INCENP: variants seen among roughly 807,000 people sequenced by gnomAD.
INCENP encodes binds and activates aurora-B and -C in vivo and in vitro.
INCENP carries 43 observed loss-of-function variants against 107.3 expected under a neutral mutation model. The ratio of observed to expected loss-of-function variants is 0.40; its 90% CI spans 0.31 to 0.52. The LOEUF is 0.52. Among genes scored for constraint, INCENP ranks in the 20% least tolerant of loss-of-function variants. INCENP has a pLI of 0.53. For missense variants in INCENP, 1,089 were observed against 1,250.9 expected (o/e 0.87, Z 1.95); for synonymous variants, 488 against 494.4 (o/e 0.99, Z 0.17).
intron 17 of INCENP, among the ~76,000 whole-genome samples, 179 bp downstream of exon 17, chr11:62,149,025 T>C (rs1255619121): frequency 6.6e-6 from 1 of 152,148 alleles, no homozygotes. Context: ...TTTGTTGAGG[T>C]GGGGGATAAA....
At chr11:62,148,412 A>T in intron 15 of INCENP, 64 bp from the exon 16 acceptor site, 1 of 1,470,034 alleles carries the variant, frequency 6.8e-7, no homozygotes, top group South Asian at 1.2e-5. Context: ...CCCAGCAGGG[A>T]TGGGAACAGG....
chr11:62,152,916 T>A lies in INCENP; in HGVS notation c.*940T>A, dbSNP rs369275203. The A allele has an allele frequency of 6.6e-6, 1 of 152,270 alleles. No homozygotes were observed. Among genetic ancestry groups the A allele is most frequent in the Admixed American group, 6.5e-5 (1 of 15,288 alleles). 9.4% of individuals were successfully genotyped at this position (152,270 alleles called of 1,614,324 possible). On this transcript the variant is annotated 3_prime_UTR_variant, in exon 19 of 19. Transcript: ENST00000394818. ...CCTTCTGAATGCATATATCTGCTAC[T>A]GTAGCCCCGGGTTGTCAAACTATGG... is the stretch of plus-strand genomic sequence containing the variant.
Position 62,146,780 on chromosome 11 carries a change from G to A in INCENP, c.2082G>A (p.Glu694=). Residue 694 remains glutamate (E), a synonymous_variant, in exon 15 of 19, where the codon GAG becomes GAA. Transcript: ENST00000394818. ...AGCAGCGGGAGCAGGAGCGGCGGGA[G>A]CAGGAGCGGCGCGAGCAGGAGCGGC... The part of the protein sequence containing the change: ...LAEQREQERR[E]QERREQERRE... 1 of 1,530,374 alleles carries A rather than the reference G, an allele frequency of 6.5e-7. No homozygotes were observed. The highest frequency in any genetic ancestry group is 8.8e-7 in the Non-Finnish European group (1 of 1,135,298). The allele number at this position is 1,530,374 out of a possible 1,614,324, so 94.8% of individuals were successfully genotyped here. A position where few individuals can be genotyped will look rare whatever the true frequency, so the allele number is the denominator to read the frequency against.
chr11:62,124,378 C>G (rs912280317), intron 1 of INCENP, among the ~76,000 whole-genome samples: 5 of 152,088 alleles, frequency 3.3e-5, no homozygotes, highest in Non-Finnish European at 7.4e-5. Context: ...AGGCCCTCAG[C>G]TTCCTAGAGC....
Position 62,152,038 on chromosome 11 carries a change from G to T in INCENP, c.*62G>T. 3.7e-6 allele frequency: 5 copies of T among 1,344,738 alleles called. No homozygotes were observed. The highest frequency in any genetic ancestry group is 3.7e-5 in the Admixed American group (2 of 54,036). 83.3% of individuals were successfully genotyped at this position (1,344,738 alleles called of 1,614,324 possible). A position where few individuals can be genotyped will look rare whatever the true frequency, so the allele number is the denominator to read the frequency against. On this transcript the variant is annotated 3_prime_UTR_variant, in exon 19 of 19. Transcript: ENST00000394818. ...GTCCATGTCTATCTGTCTGTCTGTC[G>T]GTCTCTGTCTTGGTCTGTTGCCCTC...
At chr11:62,151,305 C>A (rs1415640521) in intron 18 of INCENP, among the ~76,000 whole-genome samples, 1 of 152,178 alleles carries the variant, frequency 6.6e-6, no homozygotes, top group Non-Finnish European at 1.5e-5. Context: ...ATCCACTGCC[C>A]AGAGGCCCCC....
rs563871802 is a variant in INCENP, at chr11:62,137,120, G to A, written c.1064-712G>A. Among the ~76,000 whole-genome samples the A allele has an allele frequency of 9.9e-5, 15 of 152,256 alleles. No individual in the cohort carries two copies. In the East Asian group the frequency reaches 2.5e-3, roughly 25 times the overall value. On this transcript the variant is annotated intron_variant, in intron 4 of 18. Coordinates refer to ENST00000394818, the MANE Select transcript of INCENP (RefSeq NM_001040694.2). ...TGTAATCCCAGCACTTTGGGAGGCC[G>A]AGGCGGGTGGATCACTTGAGGTCAG...
intron 5 of INCENP, 42 bp downstream of exon 5, chr11:62,137,925 C>T: frequency 6.4e-7 from 1 of 1,571,658 alleles, no homozygotes; most frequent in Non-Finnish European, 8.8e-7. Context: ...CAGGGCATAC[C>T]AGGACAGGGA....
rs1400454993 is a variant in INCENP, at chr11:62,129,890, G to A, written c.363G>A (p.Leu121=). 6.2e-7 allele frequency: 1 copy of A among 1,613,482 alleles called. No homozygotes were observed. Among genetic ancestry groups the A allele is most frequent in the East Asian group, 2.2e-5 (1 of 44,884 alleles). ...ATVVGENGSV[L]RRVTRAAAAA... is the part of the protein sequence containing the mutation. The stretch of plus-strand genomic sequence containing the variant: ...TGGTCGGGGAGAACGGCTCCGTCCT[G>A]CGGCGTGTGACCCGTGCTGCGGCTG... Residue 121 remains leucine (L), a synonymous_variant, in exon 4 of 19, where the codon CTG becomes CTA. Coordinates refer to ENST00000394818, the MANE Select transcript of INCENP (RefSeq NM_001040694.2).
Position 62,140,354 on chromosome 11 carries a change from T to C in INCENP, c.1343+69T>C, listed in dbSNP as rs1944088168. On this transcript the variant is annotated intron_variant, in intron 8 of 18. Transcript: ENST00000394818. ...GGAGGATGTGGCCTTGTGTCCTTGC[T>C]CAGGGAAGGTGGATGTGTGCTCAGG... The C allele has an allele frequency of 3.0e-6, 4 of 1,345,830 alleles. No individual in the cohort carries two copies. In the African/African-American group the frequency reaches 4.3e-5, roughly 14 times the overall value. 83.4% of individuals were successfully genotyped at this position (1,345,830 alleles called of 1,614,324 possible).
Position 62,141,515 on chromosome 11 carries a change from A to G in INCENP, c.1605+4A>G, listed in dbSNP as rs1944121903. 1 of 1,613,902 alleles carries G rather than the reference A, an allele frequency of 6.2e-7. No individual in the cohort carries two copies. Among genetic ancestry groups the G allele is most frequent in the South Asian group, 1.1e-5 (1 of 91,090 alleles). ...TCCTCCACAGTGCAGCTTCGTCGTA[A>G]GTAAAGCCTTTTCCTGTCGGTAACC... On this transcript the variant is annotated splice_donor_region_variant and intron_variant, in intron 11 of 18. Coordinates refer to ENST00000394818, the MANE Select transcript of INCENP (RefSeq NM_001040694.2).
chr11:62,135,741 G>A (rs1041993504), intron 4 of INCENP, among the ~76,000 whole-genome samples: 1 of 152,168 alleles, frequency 6.6e-6, no homozygotes, highest in African/African-American at 2.4e-5. Context: ...TTAGATATTA[G>A]GATGCTGTGA....
chr11:62,128,349 G>A (rs1443371068), intron 2 of INCENP, 48 bp downstream of exon 2: 1 of 1,610,840 alleles, frequency 6.2e-7, no homozygotes, highest in Non-Finnish European at 8.5e-7. Context: ...GCCTGTCTGG[G>A]CTGCTTTGGT....
chr11:62,140,937 C>G lies in INCENP; in HGVS notation c.1486C>G (p.Leu496Val), dbSNP rs1209187119. 1 of 1,614,250 alleles carries G rather than the reference C, an allele frequency of 6.2e-7. No homozygotes were observed. Among genetic ancestry groups the G allele is most frequent in the Admixed American group, 1.7e-5 (1 of 60,036 alleles). ...SKVVRPLRTF[L>V]HTVQRNQMLM... is the part of the protein sequence containing the mutation. Reference sequence around the variant, plus strand: ...GGTGGTACGGCCCCTCCGGACCTTTCTGCACACAGTGCAGAGGAACCAGAT... The same window carrying G: ...GGTGGTACGGCCCCTCCGGACCTTTGTGCACACAGTGCAGAGGAACCAGAT... Residue 496 changes from leucine (L) to valine (V), a missense_variant, in exon 10 of 19, where the codon CTG becomes GTG. By Grantham distance (32) the Leu-to-Val change is conservative. Transcript: ENST00000394818.
At chr11:62,126,144 A>G (rs1374599258) in intron 1 of INCENP, among the ~76,000 whole-genome samples, 2 of 151,870 alleles carry the variant, frequency 1.3e-5, no homozygotes, top group Non-Finnish European at 2.9e-5. Flanking sequence ...GGGGTCAGCA[A>G]TTTATCCCTT....
At chr11:62,141,804 C>G (rs907468269) in intron 11 of INCENP, 8 of 533,052 alleles carry the variant, frequency 1.5e-5, no homozygotes, top group Non-Finnish European at 2.4e-5. Context: ...AGCCACCTTC[C>G]CTCCCTCCTC....
chr11:62,134,833 T>C (rs1240645810), intron 4 of INCENP, among the ~76,000 whole-genome samples: 1 of 152,148 alleles, frequency 6.6e-6, no homozygotes, highest in East Asian at 1.9e-4. Flanking sequence ...GGGCAGATCA[T>C]GAGGTTAAGA....
intron 8 of INCENP, 122 bp downstream of exon 8, chr11:62,140,407 G>C (rs1474098667): frequency 1.1e-6 from 1 of 920,594 alleles, no homozygotes; most frequent in African/African-American, 1.6e-5. Context: ...GCTGGGGTGT[G>C]GCCTGGTGTT....
intron 15 of INCENP, among the ~76,000 whole-genome samples, 171 bp from the exon 16 acceptor site, chr11:62,148,305 T>C (rs1450046959): frequency 6.6e-6 from 1 of 152,222 alleles, no homozygotes; most frequent in African/African-American, 2.4e-5. Flanking sequence ...TGCACACTTC[T>C]AGCCCCGGGG....
Sources: gnomAD v4.1 joint callset for allele counts (sites outside exome capture counted in the v4.1 genomes callset) on GRCh38, gnomAD v4.1.1 for gene constraint, MANE v1.5 for transcripts, NCBI Gene and HGNC (gene_info 2026-07-23, HGNC 2026-07-21) for gene names.